NDE1: variants seen among roughly 807,000 people sequenced by gnomAD.
NDE1 encodes the protein nudE neurodevelopment protein 1, also known as nuclear distribution protein nudE homolog 1.
In NDE1, 28 loss-of-function variants were observed where a neutral mutation model predicts 43.4. The ratio of observed to expected loss-of-function variants is 0.65; its 90% confidence interval spans 0.48 to 0.89. NDE1 has a LOEUF of 0.89. Ranked by LOEUF, NDE1 falls within the 40% of genes least tolerant of loss-of-function variation. The pLI, the probability that NDE1 is intolerant of heterozygous loss-of-function variation, is 0.00. For missense variants in NDE1, 441 were observed against 434.1 expected, an observed-to-expected ratio of 1.02 and a Z score of -0.14; for synonymous variants, 184 against 172.0, an observed-to-expected ratio of 1.07 and a Z score of -0.55.
chr16:15,698,463 GC>G (rs1436281496), intron 8 of NDE1, among the ~76,000 whole-genome samples: 1 of 152,120 alleles, frequency 6.6e-6, no homozygotes, highest in African/African-American at 2.4e-5. Flanking sequence ...ATCTCTCTGG[GC>G]CCCAAGCCGT....
intron 8 of NDE1, chr16:15,713,583 C>G (rs1049888599): frequency 1.3e-5 from 2 of 151,988 alleles, no homozygotes; most frequent in African/African-American, 4.8e-5. Flanking sequence ...GCAGCCTTGA[C>G]CTCTGGGGCT....
chr16:15,715,784 C>A (rs368281860), intron 8 of NDE1, among the ~76,000 whole-genome samples: 5 of 152,042 alleles, frequency 3.3e-5, no homozygotes, highest in African/African-American at 1.2e-4. Flanking sequence ...GTAGCTGGGA[C>A]TACAGGCGTA....
chr16:15,677,146 C>T (rs780043796), intron 3 of NDE1, among the ~76,000 whole-genome samples: 36 of 152,098 alleles, frequency 2.4e-4, no homozygotes, highest in African/African-American at 5.6e-4. Context: ...GTTCCCACCA[C>T]GTTACATCAC....
At chr16:15,673,755 C>T (rs2037721872) in intron 3 of NDE1, among the ~76,000 whole-genome samples, 1 of 152,126 alleles carries the variant, frequency 6.6e-6, no homozygotes, top group Non-Finnish European at 1.5e-5. Flanking sequence ...TAATATGCCT[C>T]TGCCACCTGA....
At chr16:15,698,880 AT>A (rs139029572) in intron 8 of NDE1, among the ~76,000 whole-genome samples, 13,384 of 151,368 alleles carry the variant, frequency 0.088, 2,023 homozygotes, top group African/African-American at 0.31. Flanking sequence ...AAAAAAATTA[AT>A]TTTTGTTTGT....
At chr16:15,669,143 G>A (rs148258351) in intron 3 of NDE1, among the ~76,000 whole-genome samples, 1,873 of 150,734 alleles carry the variant, frequency 0.012, 46 homozygotes, top group African/African-American at 0.044. Context: ...CTCAGGATCC[G>A]CCTGCCTCAG....
At chr16:15,694,625 G>A in intron 7 of NDE1, 1 of 985,306 alleles carries the variant, frequency 1.0e-6, no homozygotes, top group Non-Finnish European at 1.2e-6. Flanking sequence ...TGGGATTACA[G>A]GCATGAGCCA....
chr16:15,689,201 T>A (rs1362837030), intron 5 of NDE1, among the ~76,000 whole-genome samples: 1 of 152,172 alleles, frequency 6.6e-6, no homozygotes, highest in Non-Finnish European at 1.5e-5. Context: ...GGTAGAAAGA[T>A]TGCCAAGGCT....
intron 3 of NDE1, among the ~76,000 whole-genome samples, chr16:15,670,657 CAAAA>C (rs10717229): frequency 3.9e-5 from 5 of 128,746 alleles, no homozygotes; most frequent in Admixed American, 1.5e-4. Flanking sequence ...AACTCTGTCT[CAAAA>C]AAAAAAAAAA....
chr16:15,661,211 C>G (rs1224418427), intron 1 of NDE1, among the ~76,000 whole-genome samples: 1 of 148,748 alleles, frequency 6.7e-6, no homozygotes, highest in African/African-American at 2.5e-5. Flanking sequence ...TGCAGTGGCG[C>G]CATCTCGGCT....
intron 8 of NDE1, chr16:15,721,150 G>A (rs185666608): frequency 3.4e-5 from 46 of 1,337,504 alleles, no homozygotes; most frequent in African/African-American, 4.3e-5. Flanking sequence ...CAGGGAGGTG[G>A]CTTTGGCCTC....
intron 4 of NDE1, chr16:15,687,047 A>G (rs1163386158): frequency 3.3e-6 from 4 of 1,202,388 alleles, no homozygotes; most frequent in East Asian, 1.0e-4. Flanking sequence ...GCAAGAGAAG[A>G]TGGAGCATAG....
chr16:15,697,017 G>T, intron 8 of NDE1, 157 bp downstream of exon 8: 1 of 1,529,932 alleles, frequency 6.5e-7, no homozygotes, highest in Non-Finnish European at 8.7e-7. Flanking sequence ...GCAGCATTAG[G>T]TGGTGTCTTG....
intron 1 of NDE1, among the ~76,000 whole-genome samples, chr16:15,654,960 G>A (rs1327041007): frequency 6.6e-6 from 1 of 151,878 alleles, no homozygotes; most frequent in Non-Finnish European, 1.5e-5. Context: ...TGCAAGTCAT[G>A]TTGCCTGCTT....
chr16:15,677,846 G>A lies in NDE1; in HGVS notation c.283G>A (p.Ala95Thr). 1 of 1,614,154 alleles carries A rather than the reference G, an allele frequency of 6.2e-7. No homozygotes were observed. Among genetic ancestry groups the A allele is most frequent in the Non-Finnish European group, 8.5e-7 (1 of 1,180,036 alleles). ...QHSEGYRQIS[A>T]LEDDLAQTKA... Reference sequence around the variant, plus strand: ...CTCTGAAGGCTACCGGCAGATCTCAGCCTTGGAGGATGACCTCGCGCAGAC... The same window carrying A: ...CTCTGAAGGCTACCGGCAGATCTCAACCTTGGAGGATGACCTCGCGCAGAC... Residue 95 changes from alanine (A) to threonine (T), a missense_variant, in exon 4 of 9, where the codon GCC becomes ACC. By Grantham distance (58) the Ala-to-Thr change is moderately conservative. Coordinates refer to ENST00000396354, the MANE Select transcript of NDE1 (RefSeq NM_017668.3).
chr16:15,719,076 C>T (rs1175510378), intron 8 of NDE1: 20 of 794,824 alleles, frequency 2.5e-5, no homozygotes, highest in Non-Finnish European at 4.2e-5. Context: ...TGCAGTGAGC[C>T]AAGATTGTGC....
At chr16:15,707,011 G>A (rs994905602) in intron 8 of NDE1, among the ~76,000 whole-genome samples, 4 of 152,028 alleles carry the variant, frequency 2.6e-5, no homozygotes, top group African/African-American at 9.7e-5. Context: ...CCCCCCTAAA[G>A]GTTTTCTTAA....
At chr16:15,709,540 C>T (rs2039662724) in intron 8 of NDE1, among the ~76,000 whole-genome samples, 1 of 152,064 alleles carries the variant, frequency 6.6e-6, no homozygotes, top group African/African-American at 2.4e-5. Flanking sequence ...GTCTCGAACT[C>T]CTGACCTCAA....
At chr16:15,662,546 G>A (rs961225636) in intron 1 of NDE1, among the ~76,000 whole-genome samples, 2 of 151,964 alleles carry the variant, frequency 1.3e-5, no homozygotes, top group Non-Finnish European at 2.9e-5. Flanking sequence ...GCCTCCCAAA[G>A]TGCTGGGATT....
Sources: allele counts gnomAD v4.1 joint callset (sites outside exome capture counted in the v4.1 genomes callset), GRCh38; gene constraint gnomAD v4.1.1; transcripts MANE v1.5; gene names NCBI Gene and HGNC (gene_info 2026-07-23, HGNC 2026-07-21).